CHCHD3: variants seen among roughly 807,000 people sequenced by gnomAD.
CHCHD3 encodes MICOS complex subunit MIC19.
CHCHD3 carries 20 observed loss-of-function variants against 38.2 expected under a neutral mutation model. The ratio of observed to expected loss-of-function variants is 0.52; its 90% CI spans 0.37 to 0.76. The LOEUF (loss-of-function observed/expected upper bound fraction) is 0.76, where lower values mean the gene tolerates loss of function less well. CHCHD3 is among the 30% of genes least tolerant of loss of function. The pLI, the probability that CHCHD3 is intolerant of heterozygous loss-of-function variation, is 0.00. For synonymous variants in CHCHD3, 82 were observed against 100.0 expected, an observed-to-expected ratio of 0.82 and a Z score of 1.07; for missense variants, 245 against 279.2, an observed-to-expected ratio of 0.88 and a Z score of 0.87.
In CHCHD3 at chr7:133,035,015, T is replaced by G. The variant is rs1233650634; in HGVS notation, c.170-10388A>C. On this transcript the variant is annotated intron_variant, in intron 2 of 7. Coordinates refer to ENST00000262570, the MANE Select transcript of CHCHD3 (RefSeq NM_017812.4). This position sits in a 1 kb window ranked among gnomAD's most constrained non-coding sequence, Gnocchi z 4.7. ...AGAAATATGGCAGTGCCACAGAGAG[T>G]GTGTCCTCATTGGAGTACTTGCGCT... 1.2e-6 allele frequency: 2 copies of G among 1,611,460 alleles called. No homozygotes were observed. The highest frequency in any genetic ancestry group is 1.7e-6 in the Non-Finnish European group (2 of 1,178,828).
intron 4 of CHCHD3, among the ~76,000 whole-genome samples, chr7:132,951,404 A>G (rs1811033589): frequency 6.6e-6 from 1 of 152,240 alleles, no homozygotes; most frequent in Non-Finnish European, 1.5e-5. Context: ...TCTTCTTTCT[A>G]TAACCTGTTG....
chr7:132,911,407 T>C (rs1562905221), intron 4 of CHCHD3, among the ~76,000 whole-genome samples: 1 of 152,108 alleles, frequency 6.6e-6, no homozygotes, highest in Non-Finnish European at 1.5e-5. Flanking sequence ...CAAGGACTAT[T>C]CATAGGTTAT....
Position 132,838,478 on chromosome 7 carries a change from A to C in CHCHD3, c.454-9T>G. On this transcript the variant is annotated splice_polypyrimidine_tract_variant and intron_variant, in intron 5 of 7. Coordinates refer to ENST00000262570, the MANE Select transcript of CHCHD3 (RefSeq NM_017812.4). Reference sequence around the variant, plus strand: ...CTGTAGAACTCTGAGCTCTGTGGACAAAGATTGATAGCAAAGGTTTCACTA... The same window carrying C: ...CTGTAGAACTCTGAGCTCTGTGGACCAAGATTGATAGCAAAGGTTTCACTA... 6.3e-7 allele frequency: 1 copy of C among 1,597,294 alleles called. No homozygotes were observed. The highest frequency in any genetic ancestry group is 1.7e-5 in the Admixed American group (1 of 59,244).
At chr7:132,955,111 A>G (rs1241483229) in intron 4 of CHCHD3, among the ~76,000 whole-genome samples, 4 of 151,354 alleles carry the variant, frequency 2.6e-5, no homozygotes, top group Admixed American at 6.6e-5. Context: ...AAACTATCAC[A>G]CTGTGTGGCA....
intron 6 of CHCHD3, among the ~76,000 whole-genome samples, chr7:132,825,458 AT>A (rs1188039974): frequency 6.6e-6 from 1 of 152,262 alleles, no homozygotes; most frequent in African/African-American, 2.4e-5. Flanking sequence ...GACTTAAGTC[AT>A]GACAAAGCAT....
At chr7:133,055,827 T>C (rs1387315290) in intron 2 of CHCHD3, among the ~76,000 whole-genome samples, 1 of 151,858 alleles carries the variant, frequency 6.6e-6, no homozygotes, top group East Asian at 1.9e-4. Context: ...CACACATATA[T>C]ATTAATTAAA....
chr7:132,928,381 G>T (rs1375927216), intron 4 of CHCHD3, among the ~76,000 whole-genome samples: 1 of 152,138 alleles, frequency 6.6e-6, no homozygotes, highest in Non-Finnish European at 1.5e-5. Context: ...TACCCCTTGG[G>T]CTGTCTTAGC....
intron 4 of CHCHD3, among the ~76,000 whole-genome samples, chr7:132,907,942 A>G (rs1431795132): frequency 6.6e-6 from 1 of 152,202 alleles, no homozygotes; most frequent in Non-Finnish European, 1.5e-5. Context: ...ACCACGGTCA[A>G]AAACCCAGGG....
chr7:133,035,459 G>C lies in CHCHD3; in HGVS notation c.170-10832C>G. Reference sequence around the variant, plus strand: ...TGATGTCAGCCAATGTCACTCGTTCGCCCACCAGAAAAGTCCTCGTCTTCA... The same window carrying C: ...TGATGTCAGCCAATGTCACTCGTTCCCCCACCAGAAAAGTCCTCGTCTTCA... On this transcript the variant is annotated intron_variant, in intron 2 of 7. Transcript: ENST00000262570. The surrounding 1 kb of genome is among the most constrained non-coding windows in gnomAD (Gnocchi z 4.7). 6.2e-7 allele frequency: 1 copy of C among 1,613,432 alleles called. No individual in the cohort carries two copies. The highest frequency in any genetic ancestry group is 2.2e-5 in the East Asian group (1 of 44,868).
chr7:132,979,258 T>A (rs1024215551), intron 3 of CHCHD3, among the ~76,000 whole-genome samples: 1 of 152,230 alleles, frequency 6.6e-6, no homozygotes, highest in African/African-American at 2.4e-5. Context: ...AGCTTGATAC[T>A]GTTATAATTT....
intron 5 of CHCHD3, among the ~76,000 whole-genome samples, chr7:132,857,218 G>C (rs1346309297): frequency 6.6e-6 from 1 of 152,074 alleles, no homozygotes; most frequent in Non-Finnish European, 1.5e-5. Flanking sequence ...GCTAGGAAGA[G>C]AGGCTGTCTT....
At chr7:132,996,657 G>C (rs921133561) in intron 3 of CHCHD3, among the ~76,000 whole-genome samples, 1 of 152,170 alleles carries the variant, frequency 6.6e-6, no homozygotes, top group Non-Finnish European at 1.5e-5. Context: ...AAATTGAATC[G>C]TTACAGAATT....
intron 4 of CHCHD3, among the ~76,000 whole-genome samples, chr7:132,951,225 C>G (rs1811029701): frequency 6.6e-6 from 1 of 152,132 alleles, no homozygotes; most frequent in Admixed American, 6.5e-5. Context: ...GGAGGAAACT[C>G]CACACATCAA....
At chr7:132,892,733 T>C (rs1398996608) in intron 4 of CHCHD3, among the ~76,000 whole-genome samples, 2 of 152,146 alleles carry the variant, frequency 1.3e-5, no homozygotes, top group African/African-American at 4.8e-5. Flanking sequence ...CAGCTCCAGC[T>C]CTAGCCGTGG....
At chr7:132,827,730 C>G (rs1044704772) in intron 6 of CHCHD3, among the ~76,000 whole-genome samples, 1 of 152,198 alleles carries the variant, frequency 6.6e-6, no homozygotes, top group Non-Finnish European at 1.5e-5. Flanking sequence ...CCACCACAGG[C>G]AAATGTTGCC....
intron 6 of CHCHD3, among the ~76,000 whole-genome samples, chr7:132,834,822 T>G (rs1807735702): frequency 6.6e-6 from 1 of 152,074 alleles, no homozygotes; most frequent in Admixed American, 6.6e-5. Flanking sequence ...GTTCAGAGTT[T>G]TATTGGAGCC....
intron 3 of CHCHD3, among the ~76,000 whole-genome samples, chr7:132,984,037 T>G: frequency 6.7e-6 from 1 of 150,362 alleles, no homozygotes. Flanking sequence ...CTCCCCACGG[T>G]CTCCCTCTCC....
intron 6 of CHCHD3, among the ~76,000 whole-genome samples, chr7:132,798,202 C>A (rs982471741): frequency 2.6e-5 from 4 of 152,102 alleles, no homozygotes; most frequent in Admixed American, 2.0e-4. Context: ...CTAAAGAACA[C>A]AGACATACAG....
chr7:132,857,417 A>AT (rs1808367760), intron 5 of CHCHD3, among the ~76,000 whole-genome samples: 1 of 151,988 alleles, frequency 6.6e-6, no homozygotes. Context: ...TTATATATTT[A>AT]TTTTTTTGAG....
Sources: gnomAD v4.1 joint callset for allele counts (sites outside exome capture counted in the v4.1 genomes callset) on GRCh38, gnomAD v4.1.1 for gene constraint, Gnocchi (gnomAD v3.1) non-coding constraint, MANE v1.5 for transcripts, NCBI Gene and HGNC (gene_info 2026-07-23, HGNC 2026-07-21) for gene names.